RBMS1: variants seen among roughly 807,000 people sequenced by gnomAD.
RBMS1 encodes the protein RNA binding motif single stranded interacting protein 1, also known as RNA-binding motif, single-stranded-interacting protein 1.
In RBMS1, 17 loss-of-function variants were observed where a neutral mutation model predicts 62.3. The ratio of observed to expected loss-of-function variants is 0.27; its 90% CI spans 0.19 to 0.41. RBMS1 has a LOEUF of 0.41. RBMS1 is among the 10% of genes least tolerant of loss of function. RBMS1 has a pLI of 1.00. For synonymous variants in RBMS1, 172 were observed against 170.0 expected (o/e 1.01, Z -0.09); for missense variants, 334 against 504.5 (o/e 0.66, Z 3.24).
intron 1 of RBMS1, among the ~76,000 whole-genome samples, chr2:160,457,662 C>T (rs1227858822): frequency 6.6e-6 from 1 of 152,176 alleles, no homozygotes; most frequent in Non-Finnish European, 1.5e-5. Flanking sequence ...ATGATACCAC[C>T]ATGAAAGATG....
intron 1 of RBMS1, among the ~76,000 whole-genome samples, chr2:160,451,166 A>AAAAAAAAT (rs985879438): frequency 0.074 from 11,134 of 150,298 alleles, 580 homozygotes; most frequent in Middle Eastern, 0.14. Flanking sequence ...CAGAAAAAAA[A>AAAAAAAAT]AAATAAATAA....
intron 1 of RBMS1, among the ~76,000 whole-genome samples, chr2:160,436,810 G>A (rs1025798235): frequency 2.1e-4 from 32 of 151,880 alleles, no homozygotes; most frequent in African/African-American, 7.5e-4. Flanking sequence ...TGCTACATTC[G>A]TCCCATTCTT....
intron 1 of RBMS1, among the ~76,000 whole-genome samples, chr2:160,471,492 A>G (rs1345144089): frequency 6.6e-6 from 1 of 151,734 alleles, no homozygotes; most frequent in African/African-American, 2.4e-5. Context: ...AAAATTAGGA[A>G]TAGAGGAAAA....
At chr2:160,469,321 AG>A (rs1255718116) in intron 1 of RBMS1, among the ~76,000 whole-genome samples, 1 of 152,104 alleles carries the variant, frequency 6.6e-6, no homozygotes, top group Admixed American at 6.5e-5. Flanking sequence ...TCTTTGTCAG[AG>A]AGGCAGGACA....
intron 2 of RBMS1, among the ~76,000 whole-genome samples, chr2:160,352,908 G>A (rs1335013147): frequency 2.6e-5 from 4 of 152,080 alleles, no homozygotes; most frequent in African/African-American, 4.8e-5. Context: ...TATGAGGCAC[G>A]TGAATAGCTG....
At chr2:160,388,646 A>T (rs912619631) in intron 1 of RBMS1, among the ~76,000 whole-genome samples, 1 of 152,182 alleles carries the variant, frequency 6.6e-6, no homozygotes, top group African/African-American at 2.4e-5. Context: ...ACTCCCCAGC[A>T]GGAAAAGGCG....
chr2:160,489,014 A>C (rs1424715878), intron 1 of RBMS1, among the ~76,000 whole-genome samples: 1 of 152,226 alleles, frequency 6.6e-6, no homozygotes, highest in Non-Finnish European at 1.5e-5. Context: ...CTAAGATGTA[A>C]GGTGTATGTA....
chr2:160,336,752 T>C (rs1039839603), intron 2 of RBMS1, among the ~76,000 whole-genome samples: 4 of 152,202 alleles, frequency 2.6e-5, no homozygotes, highest in African/African-American at 9.6e-5. Flanking sequence ...GTATCTCTAT[T>C]TGGACTCGCC....
intron 1 of RBMS1, among the ~76,000 whole-genome samples, chr2:160,486,428 T>A (rs906552365): frequency 6.6e-6 from 1 of 152,164 alleles, no homozygotes; most frequent in South Asian, 2.1e-4. Context: ...GGGAAGATGA[T>A]GCATTTTTCC....
chr2:160,281,871 T>C (rs1373537766), intron 9 of RBMS1: 1 of 180,614 alleles, frequency 5.5e-6, no homozygotes, highest in Non-Finnish European at 1.2e-5. Flanking sequence ...TTTAGAAATC[T>C]TGTATTGTGG....
At chr2:160,450,548 AT>A (rs768641495) in intron 1 of RBMS1, among the ~76,000 whole-genome samples, 27,770 of 68,996 alleles carry the variant, frequency 0.4, 3,665 homozygotes, top group South Asian at 0.44. Flanking sequence ...CTCAAAAAAA[AT>A]AAAAAATAAA....
At chr2:160,423,471 G>A (rs1178639845) in intron 1 of RBMS1, among the ~76,000 whole-genome samples, 1 of 152,018 alleles carries the variant, frequency 6.6e-6, no homozygotes, top group Non-Finnish European at 1.5e-5. Context: ...GTCAGTGGAC[G>A]TTTGCACTTC....
At chr2:160,449,252 G>A (rs1260108720) in intron 1 of RBMS1, among the ~76,000 whole-genome samples, 8 of 149,264 alleles carry the variant, frequency 5.4e-5, no homozygotes, top group Non-Finnish European at 1.2e-4. Flanking sequence ...GGGAGGTGGG[G>A]GGCGCCTCTG....
chr2:160,383,449 G>A (rs1694387662), intron 1 of RBMS1, among the ~76,000 whole-genome samples: 1 of 46,118 alleles, frequency 2.2e-5, no homozygotes, highest in South Asian at 9.1e-4. Context: ...GGTTAGACAT[G>A]AATTGGGGGG....
rs1013694048 is a variant in RBMS1 at position 160,289,287 on chromosome 2, A to T, written c.641-2203T>A. ...ATTTACTACATGATTCTATGCTGTC[A>T]TTAAGCTATTTTTTCCCCGCTAAAA... On this transcript the variant is annotated intron_variant, in intron 6 of 13. Transcript: ENST00000348849. Among the ~76,000 whole-genome samples the T allele has an allele frequency of 3.7e-4, 56 of 152,374 alleles. 1 individual carries two copies. Among genetic ancestry groups the T allele is most frequent in the Admixed American group, 1.1e-3 (17 of 15,308 alleles).
chr2:160,406,076 C>G (rs1207070326), intron 1 of RBMS1, among the ~76,000 whole-genome samples: 2 of 152,184 alleles, frequency 1.3e-5, no homozygotes, highest in Admixed American at 1.3e-4. Flanking sequence ...ATCCTTCAGC[C>G]GAGTCATAAA....
At chr2:160,371,193 T>C (rs1261433271) in intron 1 of RBMS1, among the ~76,000 whole-genome samples, 2 of 152,242 alleles carry the variant, frequency 1.3e-5, no homozygotes, top group Admixed American at 6.5e-5. Flanking sequence ...TTGCGTTAGA[T>C]TAGGTGTCTT....
intron 10 of RBMS1, among the ~76,000 whole-genome samples, chr2:160,279,925 TC>T (rs1476176492): frequency 6.6e-6 from 1 of 152,184 alleles, no homozygotes; most frequent in African/African-American, 2.4e-5. Flanking sequence ...AGTCTTTTTC[TC>T]AAATGTTGCC....
intron 6 of RBMS1, among the ~76,000 whole-genome samples, chr2:160,287,653 GT>G (rs1457434166): frequency 6.6e-6 from 1 of 152,222 alleles, no homozygotes; most frequent in Admixed American, 6.5e-5. Context: ...AACATTGTCT[GT>G]TTTGTCTATC....
Sources: gnomAD v4.1 joint callset for allele counts (sites outside exome capture counted in the v4.1 genomes callset) on GRCh38, gnomAD v4.1.1 for gene constraint, MANE v1.5 for transcripts, NCBI Gene and HGNC (gene_info 2026-07-23, HGNC 2026-07-21) for gene names.